The following SRGAP1 variants were observed in gnomAD, a reference collection of about 807,000 sequenced individuals.
SRGAP1 encodes the protein SLIT-ROBO Rho GTPase-activating protein 1.
Under a neutral mutation model 121.9 loss-of-function variants are expected in SRGAP1, and 43 were observed. The ratio of observed to expected loss-of-function variants is 0.35; its 90% CI spans 0.28 to 0.46. The LOEUF is 0.46. SRGAP1 is among the 20% of genes least tolerant of loss of function. The pLI is 1.00. For missense variants in SRGAP1, 1,102 were observed against 1,350.9 expected (o/e 0.82, Z 2.89); for synonymous variants, 447 against 485.4 (o/e 0.92, Z 1.04).
chr12:64,092,004 T>G lies in SRGAP1; in HGVS notation c.1539+626T>G. On this transcript the variant is annotated intron_variant, in intron 12 of 21. Transcript: ENST00000355086. ...AAGTCGTGCTCATGCTTGGCTTTAA[T>G]TAGATTGTTAAGGTTTTTAAAAGAA... The G allele has an allele frequency of 2.5e-6, 3 of 1,197,206 alleles. No individual in the cohort carries two copies. The South Asian group carries it at 4.1e-5, about 16-fold the overall frequency. The allele number at this position is 1,197,206 out of a possible 1,614,324, so 74.2% of individuals were successfully genotyped here.
chr12:64,103,555 T>C (rs1307298437), intron 15 of SRGAP1, among the ~76,000 whole-genome samples: 5 of 152,218 alleles, frequency 3.3e-5, no homozygotes, highest in Non-Finnish European at 5.9e-5. Flanking sequence ...GTGCTCAATA[T>C]ATGTTTTTGC....
chr12:64,120,952 G>C (rs552600369), intron 18 of SRGAP1, among the ~76,000 whole-genome samples: 1 of 151,090 alleles, frequency 6.6e-6, no homozygotes, highest in Admixed American at 6.6e-5. Flanking sequence ...CTAGCAGGAG[G>C]GTAATTAAGG....
chr12:63,874,004 G>A (rs987555747), intron 1 of SRGAP1, among the ~76,000 whole-genome samples: 9 of 151,840 alleles, frequency 5.9e-5, no homozygotes, highest in Non-Finnish European at 1.3e-4. Flanking sequence ...CTGCACTCCA[G>A]CCTGGGTGAC....
At chr12:63,916,973 C>A (rs951334574) in intron 1 of SRGAP1, among the ~76,000 whole-genome samples, 5 of 152,102 alleles carry the variant, frequency 3.3e-5, no homozygotes, top group African/African-American at 1.2e-4. Flanking sequence ...CACCAAGGAT[C>A]ATTTGGCATG....
chr12:63,878,495 C>G (rs371367356), intron 1 of SRGAP1, among the ~76,000 whole-genome samples: 1 of 152,220 alleles, frequency 6.6e-6, no homozygotes, highest in African/African-American at 2.4e-5. Context: ...TTACTTCATT[C>G]CTCTATTCGT....
intron 6 of SRGAP1, among the ~76,000 whole-genome samples, chr12:64,045,500 A>G (rs551335652): frequency 1.3e-5 from 2 of 151,620 alleles, no homozygotes; most frequent in East Asian, 1.9e-4. Flanking sequence ...CAGTGGTACA[A>G]TCTTGGCTCA....
At chr12:64,056,126 TTC>T (rs775827159) in intron 6 of SRGAP1, among the ~76,000 whole-genome samples, 3 of 152,172 alleles carry the variant, frequency 2.0e-5, no homozygotes, top group Non-Finnish European at 4.4e-5. Context: ...TAAAAACCAG[TTC>T]TCTTGTTCCA....
rs1784310880 is a variant in SRGAP1, at chr12:64,152,272, A to T, written c.*9600A>T. 1.3e-5 allele frequency: 2 copies of T among 152,158 alleles called. No homozygotes were observed. The highest frequency in any genetic ancestry group is 2.1e-4 in the South Asian group (1 of 4,818). The allele number at this position is 152,158 out of a possible 1,614,324, so 9.4% of individuals were successfully genotyped here. ...AAGAAAATTAAGCCGCAGGAGTTAA[A>T]CACTTGCCCTGGTCACACAGCTAGA... is the stretch of plus-strand genomic sequence containing the variant. On this transcript the variant is annotated 3_prime_UTR_variant, in exon 22 of 22. Coordinates refer to ENST00000355086, the MANE Select transcript of SRGAP1 (RefSeq NM_020762.4).
intron 15 of SRGAP1, 186 bp downstream of exon 15, chr12:64,097,561 G>A (rs947158619): frequency 1.3e-5 from 7 of 531,590 alleles, no homozygotes; most frequent in South Asian, 7.4e-5. Flanking sequence ...CCTCACCCTC[G>A]GCTGAGTGGG....
In SRGAP1 at chr12:64,128,003, G is replaced by A. The variant is rs1323930408; in HGVS notation, c.2683G>A (p.Gly895Ser). ...GSPSLASHPR[G>S]LLQNRGLNND... Reference sequence around the variant, plus strand: ...CCCAAGCCTTGCCAGTCACCCCCGGGGCCTGCTGCAGAACCGTGGCCTCAA... The same window carrying A: ...CCCAAGCCTTGCCAGTCACCCCCGGAGCCTGCTGCAGAACCGTGGCCTCAA... Residue 895 changes from glycine (G) to serine (S), a missense_variant, in exon 21 of 22, where the codon GGC (glycine) becomes AGC (serine). Gly to Ser is a moderately conservative substitution (Grantham distance 56, BLOSUM62 0). Coordinates refer to ENST00000355086, the MANE Select transcript of SRGAP1 (RefSeq NM_020762.4). 1.2e-6 allele frequency: 2 copies of A among 1,614,116 alleles called. No homozygotes were observed. Among genetic ancestry groups the A allele is most frequent in the Non-Finnish European group, 1.7e-6 (2 of 1,180,036 alleles).
intron 1 of SRGAP1, among the ~76,000 whole-genome samples, chr12:63,934,990 G>T (rs1311569680): frequency 6.6e-6 from 1 of 152,194 alleles, no homozygotes; most frequent in African/African-American, 2.4e-5. Flanking sequence ...CAGATGCTTT[G>T]TCTTTGGGCG....
intron 6 of SRGAP1, among the ~76,000 whole-genome samples, chr12:64,049,724 T>G (rs2035202851): frequency 6.6e-6 from 1 of 152,196 alleles, no homozygotes; most frequent in Non-Finnish European, 1.5e-5. Flanking sequence ...TCTGTTCCAC[T>G]GGTCTATGTT....
chr12:64,114,203 G>A (rs2036479125), intron 17 of SRGAP1, among the ~76,000 whole-genome samples: 1 of 151,992 alleles, frequency 6.6e-6, no homozygotes, highest in African/African-American at 2.4e-5. Context: ...TGAGTACTTA[G>A]TATGGGAAAG....
At chr12:63,983,883 G>C in intron 1 of SRGAP1, 64 bp from the exon 2 acceptor site, 1 of 432,776 alleles carries the variant, frequency 2.3e-6, no homozygotes, top group African/African-American at 2.8e-5. Flanking sequence ...CTTATATCTT[G>C]CACATACCAG....
chr12:63,926,379 A>G (rs1375670140), intron 1 of SRGAP1, among the ~76,000 whole-genome samples: 1 of 152,136 alleles, frequency 6.6e-6, no homozygotes, highest in Non-Finnish European at 1.5e-5. Flanking sequence ...CCAGTTTCAT[A>G]GGAGAGGAAA....
rs11397582 is a variant in SRGAP1, at chr12:64,072,154, CG to C, written c.1126-6756del. ...TGTGTGTGTGTGTGTGTGTGGGCGG[CG>C]GGGGGGGGCTCTTTCTGCTAATTTT... is the stretch of plus-strand genomic sequence containing the variant. On this transcript the variant is annotated intron_variant, in intron 8 of 21. Coordinates refer to ENST00000355086, the MANE Select transcript of SRGAP1 (RefSeq NM_020762.4). Among the ~76,000 whole-genome samples, 12 of 88,276 alleles carry C rather than the reference CG, an allele frequency of 1.4e-4. 2 individuals are homozygous for C. The highest frequency in any genetic ancestry group is 4.2e-4 in the African/African-American group (9 of 21,502). 57.9% of individuals were successfully genotyped at this position (88,276 alleles called of 152,430 possible). A position where few individuals can be genotyped will look rare whatever the true frequency, so the allele number is the denominator to read the frequency against.
chr12:63,998,441 G>A lies in SRGAP1; in HGVS notation c.426+8369G>A, dbSNP rs559685539. On this transcript the variant is annotated intron_variant, in intron 3 of 21. Transcript: ENST00000355086. ...CCTACCTTCACAGGTCAGCTAGGAG[G>A]ACTGATGATGCTCATCACTGGAGCA... is the stretch of plus-strand genomic sequence containing the variant. Among the ~76,000 whole-genome samples, 3 of 152,250 alleles carry A rather than the reference G, an allele frequency of 2.0e-5. No homozygotes were observed. In the South Asian group the frequency reaches 6.2e-4, roughly 32 times the overall value.
At chr12:63,975,373 A>G (rs1198654785) in intron 1 of SRGAP1, among the ~76,000 whole-genome samples, 2 of 152,206 alleles carry the variant, frequency 1.3e-5, no homozygotes, top group East Asian at 1.9e-4. Flanking sequence ...TCCACTTACA[A>G]CAAATTCAGT....
At chr12:63,975,611 A>G (rs1300791517) in intron 1 of SRGAP1, among the ~76,000 whole-genome samples, 2 of 152,172 alleles carry the variant, frequency 1.3e-5, no homozygotes, top group Admixed American at 6.5e-5. Context: ...ATAAGATTTC[A>G]GAATTTTGTG....
Sources: allele counts gnomAD v4.1 joint callset (sites outside exome capture counted in the v4.1 genomes callset), GRCh38; gene constraint gnomAD v4.1.1; transcripts MANE v1.5; gene names NCBI Gene and HGNC (gene_info 2026-07-23, HGNC 2026-07-21).